BDH1: variants seen among roughly 807,000 people sequenced by gnomAD.
BDH1 encodes the protein 3-hydroxybutyrate dehydrogenase 1.
BDH1 carries 30 observed loss-of-function variants against 33.1 expected under a neutral mutation model. The observed-to-expected ratio is 0.91, with a 90% CI of 0.68 to 1.23. The LOEUF is 1.23. Ranked by LOEUF, BDH1 falls within the 50% of genes most tolerant of loss-of-function variation. BDH1 has a pLI of 0.00. For missense variants in BDH1, 443 were observed against 464.4 expected (o/e 0.95, Z 0.42); for synonymous variants, 190 against 183.6 (o/e 1.03, Z -0.28).
At chr3:197,532,379 A>G (rs754395960) in intron 5 of BDH1, 33 bp downstream of exon 5, 2 of 1,576,992 alleles carry the variant, frequency 1.3e-6, no homozygotes, top group Non-Finnish European at 8.7e-7. Flanking sequence ...TATGTGTAAA[A>G]GACAATGGTG....
chr3:197,535,708 GC>G (rs1267842074), intron 3 of BDH1, among the ~76,000 whole-genome samples: 1 of 152,088 alleles, frequency 6.6e-6, no homozygotes, highest in Non-Finnish European at 1.5e-5. Context: ...AGAGCTCTTT[GC>G]CCCCAGGACC....
chr3:197,526,528 G>C lies in BDH1; in HGVS notation c.268-3747C>G, dbSNP rs1297245316. On this transcript the variant is annotated intron_variant, in intron 5 of 7. Coordinates refer to ENST00000392379, the MANE Select transcript of BDH1 (RefSeq NM_203314.3). The surrounding 1 kb of genome is among the most constrained non-coding windows in gnomAD (Gnocchi z 4.7). The stretch of plus-strand genomic sequence containing the variant: ...ACGGAGACCTCCGACTGCCACTCCA[G>C]ACGCAGGGCAGCGTGCCTCCCCCAG... Among the ~76,000 whole-genome samples, 1 of 152,182 alleles carries C rather than the reference G, an allele frequency of 6.6e-6. No homozygotes were observed. The highest frequency in any genetic ancestry group is 1.5e-5 in the Non-Finnish European group (1 of 68,032).
intron 5 of BDH1, among the ~76,000 whole-genome samples, 197 bp downstream of exon 5, chr3:197,532,215 G>C (rs1714727107): frequency 6.6e-6 from 1 of 152,176 alleles, no homozygotes; most frequent in Non-Finnish European, 1.5e-5. Context: ...GGATAGATGA[G>C]AGGATGGATG....
intron 1 of BDH1, among the ~76,000 whole-genome samples, chr3:197,570,383 A>G (rs749908258): frequency 8.5e-5 from 13 of 152,250 alleles, no homozygotes; most frequent in Non-Finnish European, 1.5e-4. Context: ...TAAGTAATGA[A>G]GAGCCAGATT....
chr3:197,520,636 G>A lies in BDH1; in HGVS notation c.409+2004C>T, dbSNP rs1375711338. 2.6e-5 allele frequency among the ~76,000 whole-genome samples: 4 copies of A among 152,140 alleles called. No homozygotes were observed. The highest frequency in any genetic ancestry group is 5.9e-5 in the Non-Finnish European group (4 of 68,018). On this transcript the variant is annotated intron_variant, in intron 6 of 7. Coordinates refer to ENST00000392379, the MANE Select transcript of BDH1 (RefSeq NM_203314.3). This position sits in a 1 kb window ranked among gnomAD's most constrained non-coding sequence, Gnocchi z 6.0. Reference sequence around the variant, plus strand: ...ATGACGCCTTTCCACGGGCATTTTAGATCACCACAAAACCCACGCTATAAT... The same window carrying A: ...ATGACGCCTTTCCACGGGCATTTTAAATCACCACAAAACCCACGCTATAAT...
At chr3:197,571,574 A>G (rs1407628858) in intron 1 of BDH1, among the ~76,000 whole-genome samples, 1 of 152,182 alleles carries the variant, frequency 6.6e-6, no homozygotes, top group Non-Finnish European at 1.5e-5. Flanking sequence ...TACAAGGGGA[A>G]ACCCCTTTCA....
chr3:197,516,603 T>C lies in BDH1; in HGVS notation c.410-2187A>G, dbSNP rs1712757309. ...GTTCTCCTTGGGAGTCACGGCTCTC[T>C]CTCCTCATCCCATCTCCTGTCTCGC... On this transcript the variant is annotated intron_variant, in intron 6 of 7. Coordinates refer to ENST00000392379, the MANE Select transcript of BDH1 (RefSeq NM_203314.3). This position sits in a 1 kb window ranked among gnomAD's most constrained non-coding sequence, Gnocchi z 4.2. Among the ~76,000 whole-genome samples, 1 of 151,892 alleles carries C rather than the reference T, an allele frequency of 6.6e-6. No homozygotes were observed. The highest frequency in any genetic ancestry group is 2.4e-5 in the African/African-American group (1 of 41,312).
intron 6 of BDH1, among the ~76,000 whole-genome samples, chr3:197,515,015 G>T (rs563207653): frequency 6.6e-6 from 1 of 152,192 alleles, no homozygotes; most frequent in Non-Finnish European, 1.5e-5. Context: ...TTGGTCTCCC[G>T]GGCCGATAGC....
upstream of BDH1, among the ~76,000 whole-genome samples, chr3:197,556,454 G>T (rs1471019781): frequency 6.6e-6 from 1 of 152,008 alleles, no homozygotes; most frequent in East Asian, 1.9e-4. Context: ...GATCACTTGG[G>T]GTCAGGAGTT....
chr3:197,557,237 A>C (rs1481209443), upstream of BDH1, among the ~76,000 whole-genome samples: 1 of 152,236 alleles, frequency 6.6e-6, no homozygotes, highest in Non-Finnish European at 1.5e-5. The surrounding 1 kb of genome is among the most constrained non-coding windows in gnomAD (Gnocchi z 4.6). Flanking sequence ...CCTTAGGCAC[A>C]TGTCAGGACT....
At chr3:197,515,888 G>GCACGCACACACACACA (rs1712655622) in intron 6 of BDH1, 1 of 165,046 alleles carries the variant, frequency 6.1e-6, no homozygotes, top group African/African-American at 2.5e-5. Flanking sequence ...GGGTGACAGA[G>GCACGCACACACACACA]CACGCACACA....
At chr3:197,550,951 G>A (rs187065093) in intron 2 of BDH1, among the ~76,000 whole-genome samples, 54 of 152,266 alleles carry the variant, frequency 3.5e-4, no homozygotes, top group African/African-American at 1.3e-3. Context: ...TGGGTAGGTC[G>A]TAGTTCTATA....
chr3:197,533,518 G>A lies in BDH1; in HGVS notation c.127C>T (p.Arg43Cys), dbSNP rs61747148. 3.6e-4 allele frequency: 583 copies of A among 1,614,250 alleles called. 2 individuals are homozygous for A. In the African/African-American group the frequency reaches 7.2e-3, roughly 20 times the overall value. Reference protein sequence around the residue: ...LGSTSFIPIGRRTYASAAEPV... With the variant: ...LGSTSFIPIGCRTYASAAEPV... ...TCCGCCGCACTGGCATAAGTCCGAC[G>A]GCCAATCGGGATAAAGGAAGTAGAA... Residue 43 changes from arginine (R) to cysteine (C), a missense_variant, in exon 4 of 8, where the codon CGT becomes TGT. Physicochemically the swap from Arg to Cys is radical, Grantham distance 180. Transcript: ENST00000392379.
chr3:197,546,364 G>C lies in BDH1; in HGVS notation c.80C>G (p.Ala27Gly), dbSNP rs754547614. The C allele has an allele frequency of 6.2e-7, 1 of 1,614,090 alleles. No individual in the cohort carries two copies. Among genetic ancestry groups the C allele is most frequent in the Non-Finnish European group, 8.5e-7 (1 of 1,180,022 alleles). Residue 27 changes from alanine (A) to glycine (G), a missense_variant, in exon 3 of 8, where the codon GCA becomes GGA. Coordinates refer to ENST00000392379, the MANE Select transcript of BDH1 (RefSeq NM_203314.3). The stretch of plus-strand genomic sequence containing the variant: ...ACCACCACCTCTGGTTGCTTACCTT[G>C]CTCCATTTTCTCTATCACAGGCACT... ...TLSACDRENG[A>G]RRPLLLGSTS...
intron 3 of BDH1, among the ~76,000 whole-genome samples, chr3:197,538,098 C>G (rs1048109713): frequency 3.9e-5 from 6 of 152,154 alleles, no homozygotes; most frequent in Admixed American, 3.9e-4. Flanking sequence ...ATATTACATA[C>G]TTACTAAATT....
chr3:197,567,481 C>T (rs1294263229), intron 1 of BDH1, among the ~76,000 whole-genome samples: 2 of 152,202 alleles, frequency 1.3e-5, no homozygotes, highest in Non-Finnish European at 2.9e-5. Flanking sequence ...GAAGCCCCCT[C>T]CCTGTCCTGC....
chr3:197,571,706 T>A (rs1717612331), intron 1 of BDH1, among the ~76,000 whole-genome samples: 1 of 152,222 alleles, frequency 6.6e-6, no homozygotes, highest in Non-Finnish European at 1.5e-5. Flanking sequence ...TTTTTCTTTA[T>A]AAATTACCCA....
chr3:197,533,621 T>C, intron 3 of BDH1, 60 bp from the exon 4 acceptor site: 1 of 1,552,948 alleles, frequency 6.4e-7, no homozygotes, highest in Non-Finnish European at 8.9e-7. Context: ...TCAGCCACAC[T>C]GGCCTAGAGC....
chr3:197,571,345 T>C (rs1044730173), intron 1 of BDH1, among the ~76,000 whole-genome samples: 6 of 152,142 alleles, frequency 3.9e-5, no homozygotes, highest in Non-Finnish European at 7.3e-5. Context: ...TGGGAAGGCA[T>C]GATTGGTTTT....
Sources: allele counts gnomAD v4.1 joint callset (sites outside exome capture counted in the v4.1 genomes callset), GRCh38; gene constraint gnomAD v4.1.1; non-coding constraint Gnocchi (gnomAD v3.1); transcripts MANE v1.5; gene names NCBI Gene and HGNC (gene_info 2026-07-23, HGNC 2026-07-21).